Variants in PDXDC1 observed in about 807,000 individuals in gnomAD.
PDXDC1 encodes pyridoxal-dependent decarboxylase domain-containing protein 1.
Under a neutral mutation model 100.1 loss-of-function variants are expected in PDXDC1, and 42 were observed. The observed-to-expected ratio is 0.42, with a 90% CI of 0.33 to 0.54. The LOEUF is 0.54. Ranked by LOEUF, PDXDC1 falls within the 20% of genes least tolerant of loss-of-function variation. The pLI is 0.10. For synonymous variants in PDXDC1, 260 were observed against 371.7 expected, an observed-to-expected ratio of 0.70 and a Z score of 3.46; for missense variants, 636 against 979.2, an observed-to-expected ratio of 0.65 and a Z score of 4.68.
intron 1 of PDXDC1, among the ~76,000 whole-genome samples, chr16:14,978,701 T>C (rs1199833968): frequency 2.6e-5 from 4 of 152,304 alleles, no homozygotes; most frequent in Admixed American, 2.6e-4. Flanking sequence ...GGCCAAAACC[T>C]GCTACTCTAA....
At chr16:15,009,860 C>G in intron 8 of PDXDC1, 101 bp downstream of exon 8, 1 of 1,598,606 alleles carries the variant, frequency 6.3e-7, no homozygotes, top group Non-Finnish European at 8.5e-7. Context: ...GTGTGTACCA[C>G]ATGTTTAAGA....
intron 16 of PDXDC1, among the ~76,000 whole-genome samples, chr16:15,071,619 T>C (rs1319153505): frequency 1.3e-5 from 2 of 151,910 alleles, no homozygotes; most frequent in Admixed American, 6.6e-5. Flanking sequence ...AATACAAAAA[T>C]TAGCCAGGCA....
downstream of PDXDC1, among the ~76,000 whole-genome samples, chr16:15,042,557 T>G (rs1190963492): frequency 6.6e-6 from 1 of 152,174 alleles, no homozygotes; most frequent in Non-Finnish European, 1.5e-5. Flanking sequence ...CTTTCATGTG[T>G]TATTTTTTAG....
intron 10 of PDXDC1, 67 bp from the exon 11 acceptor site, chr16:15,017,254 G>C: frequency 6.2e-7 from 1 of 1,603,786 alleles, no homozygotes; most frequent in Non-Finnish European, 8.5e-7. Flanking sequence ...CAGTTTTTAT[G>C]AATGGAGGAG....
chr16:15,146,143 C>T, the PDXDC1 span, among the ~76,000 whole-genome samples: 1 of 152,190 alleles, frequency 6.6e-6, no homozygotes, highest in South Asian at 2.1e-4. Flanking sequence ...AGCGCATCAC[C>T]CACACGTGGG....
chr16:15,055,983 C>CCGCCCA, intron 16 of PDXDC1: 30 of 1,214,846 alleles, frequency 2.5e-5, no homozygotes, highest in Non-Finnish European at 3.1e-5. Flanking sequence ...GCGGAGGCGG[C>CCGCCCA]CGCCCAGGCA....
Position 15,079,868 on chromosome 16 carries a change from A to T in PDXDC1, c.1399+49812A>T, listed in dbSNP as rs542721099. 1.3e-4 allele frequency: 139 copies of T among 1,073,434 alleles called. No homozygotes were observed. In the East Asian group the frequency reaches 3.3e-3, roughly 26 times the overall value. The allele number at this position is 1,073,434 out of a possible 1,614,324, so 66.5% of individuals were successfully genotyped here. A position where few individuals can be genotyped will look rare whatever the true frequency, so the allele number is the denominator to read the frequency against. ...TGCCTCGGCCTCCCAAAGTGCTGGGAATACAGGCGTGAGTCACCACGCCTG... is the reference window on the plus strand; with the variant it reads ...TGCCTCGGCCTCCCAAAGTGCTGGGTATACAGGCGTGAGTCACCACGCCTG... On this transcript the variant is annotated intron_variant, in intron 16 of 16. Transcript: ENST00000535621.
At chr16:15,021,927 T>C (rs994279619) in intron 12 of PDXDC1, among the ~76,000 whole-genome samples, 1 of 152,298 alleles carries the variant, frequency 6.6e-6, no homozygotes, top group African/African-American at 2.4e-5. Flanking sequence ...CATCATCTCA[T>C]TTGATCCCTG....
intron 16 of PDXDC1, chr16:15,047,170 T>A: frequency 2.1e-6 from 1 of 476,846 alleles, no homozygotes; most frequent in Non-Finnish European, 3.8e-6. Context: ...GATGTGAAAA[T>A]CGCAACCTCG....
At chr16:15,071,702 A>C (rs1250109148) in intron 16 of PDXDC1, among the ~76,000 whole-genome samples, 1 of 152,220 alleles carries the variant, frequency 6.6e-6, no homozygotes, top group Non-Finnish European at 1.5e-5. Context: ...CAGGAGGCAG[A>C]GGTTGCAGTG....
intron 16 of PDXDC1, among the ~76,000 whole-genome samples, chr16:15,052,966 AGG>A (rs887437310): frequency 1.3e-5 from 2 of 152,162 alleles, no homozygotes; most frequent in African/African-American, 2.4e-5. Context: ...AGAGTGACTA[AGG>A]GAGGGCTCTA....
At chr16:15,147,438 G>C in the PDXDC1 span, among the ~76,000 whole-genome samples, 3 of 152,230 alleles carry the variant, frequency 2.0e-5, no homozygotes, top group Non-Finnish European at 2.9e-5. Flanking sequence ...CAACCCTGCA[G>C]TGCCGTGATG....
chr16:15,032,839 C>A, intron 17 of PDXDC1, 22 bp from the exon 18 acceptor site: 1 of 1,240,482 alleles, frequency 8.1e-7, no homozygotes, highest in Non-Finnish European at 1.2e-6. Context: ...AGCTGAAATG[C>A]TGTGGTTTGA....
At chr16:15,097,399 C>T (rs1406306030) in intron 16 of PDXDC1, among the ~76,000 whole-genome samples, 2 of 141,178 alleles carry the variant, frequency 1.4e-5, no homozygotes, top group African/African-American at 2.6e-5. Context: ...CCGAGGCAGG[C>T]GGATCACGAG....
At chr16:15,137,294 C>T (rs988922010) in intron 16 of PDXDC1, 6 of 969,124 alleles carry the variant, frequency 6.2e-6, no homozygotes, top group Non-Finnish European at 9.4e-6. Context: ...GGGGCCCCTA[C>T]AGGTGGGGGC....
chr16:15,131,848 G>A, intron 16 of PDXDC1: 2 of 343,524 alleles, frequency 5.8e-6, no homozygotes, highest in South Asian at 6.7e-5. Context: ...GCAGAAGAAA[G>A]GGGGAAGCTG....
At chr16:15,058,827 G>C (rs534576847) in intron 16 of PDXDC1, among the ~76,000 whole-genome samples, 3 of 152,152 alleles carry the variant, frequency 2.0e-5, no homozygotes, top group African/African-American at 7.2e-5. Flanking sequence ...AGAGATGGGG[G>C]TCTCACTATG....
downstream of PDXDC1, chr16:15,038,806 A>C (rs2043670577): frequency 1.2e-5 from 7 of 600,482 alleles, no homozygotes; most frequent in Non-Finnish European, 2.0e-5. Flanking sequence ...GCTTCTTAAA[A>C]CCTGTCTCAA....
intron 16 of PDXDC1, among the ~76,000 whole-genome samples, chr16:15,058,212 C>T (rs2044592083): frequency 6.6e-6 from 1 of 151,908 alleles, no homozygotes; most frequent in African/African-American, 2.4e-5. Context: ...GAGGATCAAT[C>T]AAGCCCTAGA....
Sources: allele counts gnomAD v4.1 joint callset (sites outside exome capture counted in the v4.1 genomes callset), GRCh38; gene constraint gnomAD v4.1.1; transcripts MANE v1.5; gene names NCBI Gene and HGNC (gene_info 2026-07-23, HGNC 2026-07-21).